Variants in FRAS1 observed in about 807,000 individuals in gnomAD.
The protein encoded by FRAS1 is extracellular matrix organizing protein FRAS1.
In FRAS1, 290 loss-of-function variants were observed where a neutral mutation model predicts 435.2. The observed-to-expected ratio is 0.67, with a 90% confidence interval of 0.61 to 0.73. The LOEUF is 0.73. FRAS1 is among the 30% of genes least tolerant of loss of function. FRAS1 has a pLI of 0.00. For missense variants in FRAS1, 4,860 were observed against 5,001.5 expected, an observed-to-expected ratio of 0.97 and a Z score of 0.85; for synonymous variants, 1,800 against 1,851.0, an observed-to-expected ratio of 0.97 and a Z score of 0.71.
chr4:78,113,737 T>C (rs10023589), intron 2 of FRAS1, among the ~76,000 whole-genome samples: 42,455 of 151,842 alleles, frequency 0.28, 6,266 homozygotes, highest in African/African-American at 0.35. Flanking sequence ...AGCCCTTTGT[T>C]AGATGAGTAG....
chr4:78,515,717 A>C (rs1353784908), intron 65 of FRAS1, 82 bp from the exon 66 acceptor site: 3 of 1,314,288 alleles, frequency 2.3e-6, no homozygotes, highest in Non-Finnish European at 3.2e-6. Flanking sequence ...CTTTTAGTGC[A>C]AAAGGGTGAG....
At chr4:78,267,479 A>G (rs1261202270) in intron 9 of FRAS1, 47 bp downstream of exon 9, 1 of 1,565,546 alleles carries the variant, frequency 6.4e-7, no homozygotes, top group East Asian at 2.3e-5. Flanking sequence ...GCTCTTTCCA[A>G]CGGGATAGTG....
intron 2 of FRAS1, among the ~76,000 whole-genome samples, chr4:78,149,766 A>G (rs549873620): frequency 2.0e-4 from 31 of 152,262 alleles, no homozygotes; most frequent in African/African-American, 6.5e-4. Flanking sequence ...CATTTAGTCA[A>G]TCTCACACTT....
intron 15 of FRAS1, among the ~76,000 whole-genome samples, chr4:78,312,879 G>GAGAGAGAGAGAGAGAGAAAGAA (rs143465313): frequency 2.3e-5 from 3 of 129,162 alleles, no homozygotes; most frequent in Non-Finnish European, 5.1e-5. Flanking sequence ...GAGAGAGAGA[G>GAGAGAGAGAGAGAGAGAAAGAA]AGAAAGAAAG....
At chr4:78,316,552 A>G (rs1203119452) in intron 16 of FRAS1, among the ~76,000 whole-genome samples, 1 of 151,472 alleles carries the variant, frequency 6.6e-6, no homozygotes, top group African/African-American at 2.4e-5. Context: ...ACTCCTGACC[A>G]TGGTCCTGCA....
intron 2 of FRAS1, among the ~76,000 whole-genome samples, chr4:78,135,475 G>A (rs925360903): frequency 6.6e-6 from 1 of 152,186 alleles, no homozygotes; most frequent in African/African-American, 2.4e-5. Flanking sequence ...AGAAAGCATG[G>A]AAATACTTGG....
chr4:78,470,107 C>T lies in FRAS1; in HGVS notation c.7371+16C>T. On this transcript the variant is annotated intron_variant, in intron 51 of 73. Transcript: ENST00000512123. ...GGATGGCAAGGTAAGGCCTGTCCCT[C>T]TGTCATGTTCACACCACCCAACTTG... 2 of 1,539,314 alleles carry T rather than the reference C, an allele frequency of 1.3e-6. No homozygotes were observed. The highest frequency in any genetic ancestry group is 9.0e-7 in the Non-Finnish European group (1 of 1,115,368).
chr4:78,202,362 C>T (rs1399716711), intron 2 of FRAS1, among the ~76,000 whole-genome samples: 1 of 152,122 alleles, frequency 6.6e-6, no homozygotes, highest in African/African-American at 2.4e-5. Flanking sequence ...GCATAAGCAT[C>T]GACAGGGAGC....
intron 37 of FRAS1, among the ~76,000 whole-genome samples, chr4:78,431,411 T>C (rs1734215379): frequency 6.6e-6 from 1 of 152,234 alleles, no homozygotes; most frequent in African/African-American, 2.4e-5. Context: ...GATAAAAAGT[T>C]AGTTTTATTA....
chr4:78,446,303 G>C, intron 42 of FRAS1: 1 of 1,017,032 alleles, frequency 9.8e-7, no homozygotes, highest in Non-Finnish European at 1.2e-6. Context: ...CAGGGAGACA[G>C]CTTTAGAGAC....
At chr4:78,252,905 T>C (rs1725609910) in intron 5 of FRAS1, among the ~76,000 whole-genome samples, 1 of 152,194 alleles carries the variant, frequency 6.6e-6, no homozygotes, top group African/African-American at 2.4e-5. Flanking sequence ...GATGAGGGTC[T>C]GTGTCCCGCT....
chr4:78,470,365 T>TATAG (rs377200497), intron 51 of FRAS1, among the ~76,000 whole-genome samples: 9 of 152,272 alleles, frequency 5.9e-5, no homozygotes, highest in African/African-American at 2.2e-4. Context: ...TTTTCTCACA[T>TATAG]ATAGGGTGGA....
intron 34 of FRAS1, among the ~76,000 whole-genome samples, chr4:78,423,272 T>C (rs1295765032): frequency 5.9e-5 from 9 of 152,012 alleles, no homozygotes; most frequent in African/African-American, 1.9e-4. Flanking sequence ...ATTCAAGCAA[T>C]TCTCCTGCCC....
Position 78,363,894 on chromosome 4 carries a change from T to C in FRAS1, c.2576-14T>C. ...GACATCATGGTTTCTGTTGTGTCTC[T>C]TTTTCCTCTGCAGAATGCCACTCCT... On this transcript the variant is annotated splice_polypyrimidine_tract_variant and intron_variant, in intron 21 of 73. Transcript: ENST00000512123. 2 of 1,601,884 alleles carry C rather than the reference T, an allele frequency of 1.2e-6. No homozygotes were observed. Among genetic ancestry groups the C allele is most frequent in the Non-Finnish European group, 8.5e-7 (1 of 1,173,768 alleles).
intron 2 of FRAS1, among the ~76,000 whole-genome samples, chr4:78,142,594 C>T (rs777603752): frequency 2.6e-5 from 4 of 151,992 alleles, no homozygotes; most frequent in Non-Finnish European, 4.4e-5. Context: ...CAGATGGAGG[C>T]TCAGAGATAC....
chr4:78,537,755 A>C (rs930558323), intron 72 of FRAS1, among the ~76,000 whole-genome samples: 6 of 152,086 alleles, frequency 3.9e-5, no homozygotes, highest in Non-Finnish European at 8.8e-5. Flanking sequence ...CAAGCCTGAG[A>C]AACATAAGGA....
chr4:78,339,466 A>C (rs1730313405), intron 20 of FRAS1, among the ~76,000 whole-genome samples: 1 of 152,254 alleles, frequency 6.6e-6, no homozygotes, highest in Non-Finnish European at 1.5e-5. Context: ...AACCAGTAAT[A>C]AGGGCTGTAG....
At chr4:78,092,629 G>T (rs142135695) in intron 2 of FRAS1, among the ~76,000 whole-genome samples, 1 of 152,158 alleles carries the variant, frequency 6.6e-6, no homozygotes, top group African/African-American at 2.4e-5. Context: ...GATGAGATTT[G>T]GGTGTGGACA....
intron 41 of FRAS1, among the ~76,000 whole-genome samples, chr4:78,442,072 G>A (rs1734681091): frequency 2.0e-5 from 3 of 152,256 alleles, no homozygotes. Flanking sequence ...CCCATGGAGA[G>A]TCCATTGACT....
Sources: allele counts gnomAD v4.1 joint callset (sites outside exome capture counted in the v4.1 genomes callset), GRCh38; gene constraint gnomAD v4.1.1; transcripts MANE v1.5; gene names NCBI Gene and HGNC (gene_info 2026-07-23, HGNC 2026-07-21).